SLC13A5: variants seen among roughly 807,000 people sequenced by gnomAD.
SLC13A5 encodes the protein Na(+)/citrate cotransporter.
Under a neutral mutation model 56.5 loss-of-function variants are expected in SLC13A5, and 25 were observed. That is an observed-to-expected ratio of 0.44 (90% CI 0.32 to 0.62). SLC13A5 has a LOEUF of 0.62. Ranked by LOEUF, SLC13A5 falls within the 20% of genes least tolerant of loss-of-function variation. SLC13A5 has a pLI of 0.04. For synonymous variants in SLC13A5, 307 were observed against 301.5 expected (o/e 1.02, Z -0.19); for missense variants, 649 against 737.8 (o/e 0.88, Z 1.39).
At chr17:6,706,072 G>T (rs559592478) in intron 3 of SLC13A5, among the ~76,000 whole-genome samples, 1 of 152,270 alleles carries the variant, frequency 6.6e-6, no homozygotes, top group East Asian at 1.9e-4. Context: ...GATCATGATT[G>T]ATTATGGTTA....
Position 6,690,901 on chromosome 17 carries a change from G to T in SLC13A5, c.1315C>A (p.Pro439Thr). 6.2e-7 allele frequency: 1 copy of T among 1,613,530 alleles called. No individual in the cohort carries two copies. Among genetic ancestry groups the T allele is most frequent in the Non-Finnish European group, 8.5e-7 (1 of 1,179,554 alleles). The change falls in exon 10 of 12, where the codon CCC becomes ACC. Residue 439 changes from proline to threonine, a missense_variant. Physicochemically the swap from Pro to Thr is conservative, Grantham distance 38. Coordinates refer to ENST00000433363, the MANE Select transcript of SLC13A5 (RefSeq NM_177550.5). ...GCTGCCGGGGGCACTGCGTGCAAGG[G>T]CTCCATCTGCTTCCCCATCCACACG... ...LSVWMGKQMEPLHAVPPAAIT... is the reference protein window; with the variant it reads ...LSVWMGKQMETLHAVPPAAIT...
In SLC13A5 at chr17:6,692,941, A is replaced by G. The variant is rs1973450072; in HGVS notation, c.1275+103T>C. On this transcript the variant is annotated intron_variant, in intron 9 of 11. Transcript: ENST00000433363. This position sits in a 1 kb window ranked among gnomAD's most constrained non-coding sequence, Gnocchi z 5.5. Reference sequence around the variant, plus strand: ...CAAGGAATGTGCGGTTATACGAAGGATGCAGGCACAGAAACACACAAGCCC... The same window carrying G: ...CAAGGAATGTGCGGTTATACGAAGGGTGCAGGCACAGAAACACACAAGCCC... 1 of 866,372 alleles carries G rather than the reference A, an allele frequency of 1.2e-6. No homozygotes were observed. The highest frequency in any genetic ancestry group is 2.4e-5 in the East Asian group (1 of 41,100). 53.7% of individuals were successfully genotyped at this position (866,372 alleles called of 1,614,324 possible). A position where few individuals can be genotyped will look rare whatever the true frequency, so the allele number is the denominator to read the frequency against.
At position 6,693,795 on chromosome 17, in the gene SLC13A5, G is replaced by C. The variant is rs1973482002; in HGVS notation, c.1156+302C>G. On this transcript the variant is annotated intron_variant, in intron 8 of 11. Transcript: ENST00000433363. ...ATATTAGCAAAGACTGGGAGGAAGA[G>C]AGAAAACAAAAAATTGTGCTGAATG... Among the ~76,000 whole-genome samples the C allele has an allele frequency of 2.0e-5, 3 of 152,164 alleles. No individual in the cohort carries two copies. The South Asian group carries it at 6.2e-4, about 32-fold the overall frequency.
chr17:6,710,110 C>T (rs541811543), intron 1 of SLC13A5, among the ~76,000 whole-genome samples: 2 of 152,328 alleles, frequency 1.3e-5, no homozygotes, highest in South Asian at 4.1e-4. Context: ...ATATGATTGG[C>T]GCCCACTGTC....
Position 6,696,316 on chromosome 17 carries a change from C to T in SLC13A5, c.840-375G>A, listed in dbSNP as rs147663387. On this transcript the variant is annotated intron_variant, in intron 6 of 11. Transcript: ENST00000433363. ...TTCCACCTCAGCCTGGAGCTGCCTT[C>T]GATGGTGTTGGGATGCCAACCCCCA... 1.3e-3 allele frequency among the ~76,000 whole-genome samples: 196 copies of T among 152,280 alleles called. 2 individuals carry two copies. Among genetic ancestry groups the T allele is most frequent in the African/African-American group, 4.6e-3 (190 of 41,544 alleles).
rs1441794104 is a variant in SLC13A5 at position 6,687,997 on chromosome 17, C to A, written c.1438-331G>T. On this transcript the variant is annotated intron_variant, in intron 10 of 11. Transcript: ENST00000433363. The surrounding 1 kb of genome is among the most constrained non-coding windows in gnomAD (Gnocchi z 5.0). ...GCGTGCACATGTCTGTCTGTCTTGC[C>A]ACAGACTGAGAGAGCCTAGAGGCCA... 5.3e-6 allele frequency: 1 copy of A among 187,378 alleles called. No individual in the cohort carries two copies. Among genetic ancestry groups the A allele is most frequent in the Non-Finnish European group, 1.1e-5 (1 of 91,656 alleles). The allele number at this position is 187,378 out of a possible 1,614,324, so 11.6% of individuals were successfully genotyped here. A position where few individuals can be genotyped will look rare whatever the true frequency, so the allele number is the denominator to read the frequency against.
intron 1 of SLC13A5, among the ~76,000 whole-genome samples, chr17:6,707,541 A>T (rs1481107305): frequency 6.6e-6 from 1 of 152,178 alleles, no homozygotes; most frequent in Non-Finnish European, 1.5e-5. Context: ...GAAGAAAGAG[A>T]GGAAGGGGGA....
chr17:6,686,320 T>C lies in SLC13A5; in HGVS notation c.1594A>G (p.Met532Val). Residue 532 changes from methionine to valine, a missense_variant, in exon 12 of 12, where the codon ATG becomes GTG. Transcript: ENST00000433363. ...VADMVKTGVI[M>V]NIIGVFCVFL... ...ACACAGAAGACTCCAATTATGTTCA[T>C]TATGACTCCTGTTTTCACCTGGAAA... The C allele has an allele frequency of 6.2e-7, 1 of 1,614,110 alleles. No individual in the cohort carries two copies. Among genetic ancestry groups the C allele is most frequent in the East Asian group, 2.2e-5 (1 of 44,872 alleles).
Position 6,708,725 on chromosome 17 carries a change from C to T in SLC13A5, c.103-1569G>A, listed in dbSNP as rs1033275908. 3.3e-5 allele frequency among the ~76,000 whole-genome samples: 5 copies of T among 152,344 alleles called. No individual in the cohort carries two copies. The East Asian group carries it at 9.6e-4, about 29-fold the overall frequency. On this transcript the variant is annotated intron_variant, in intron 1 of 11. Coordinates refer to ENST00000433363, the MANE Select transcript of SLC13A5 (RefSeq NM_177550.5). ...GGTCTTGGGTGACCAGATCCTGTCC[C>T]GGCAGCTCAGGGTACAAGGTGGAAA...
At chr17:6,709,472 G>A (rs1382661906) in intron 1 of SLC13A5, among the ~76,000 whole-genome samples, 1 of 152,042 alleles carries the variant, frequency 6.6e-6, no homozygotes, top group Non-Finnish European at 1.5e-5. Flanking sequence ...ATTTCACCAT[G>A]TTGGCCAGGA....
chr17:6,707,248 G>A lies in SLC13A5; in HGVS notation c.103-92C>T. ...GACGGCGGCTGGCATGGATTGTCAA[G>A]ACACAGTGCTGATCTCAGAGGGATT... is the stretch of plus-strand genomic sequence containing the variant. On this transcript the variant is annotated intron_variant, in intron 1 of 11. Transcript: ENST00000433363. 6 of 1,501,862 alleles carry A rather than the reference G, an allele frequency of 4.0e-6. No homozygotes were observed. The South Asian group carries it at 7.4e-5, about 18-fold the overall frequency. 93.0% of individuals were successfully genotyped at this position (1,501,862 alleles called of 1,614,324 possible). A position where few individuals can be genotyped will look rare whatever the true frequency, so the allele number is the denominator to read the frequency against.
chr17:6,692,483 T>TA lies in SLC13A5; in HGVS notation c.1275+560_1275+561insT, dbSNP rs1304468898. On this transcript the variant is annotated intron_variant, in intron 9 of 11. Transcript: ENST00000433363. The surrounding 1 kb of genome is among the most constrained non-coding windows in gnomAD (Gnocchi z 5.5). ...CTGGATACTTGGGTAGGTAGATGGTTGGTTGGAGGACAGCAGCAGCAAGCT... is the reference window on the plus strand; with the variant it reads ...CTGGATACTTGGGTAGGTAGATGGTTAGGTTGGAGGACAGCAGCAGCAAGCT... Among the ~76,000 whole-genome samples the TA allele has an allele frequency of 6.6e-6, 1 of 152,206 alleles. No homozygotes were observed. Among genetic ancestry groups the TA allele is most frequent in the African/African-American group, 2.4e-5 (1 of 41,448 alleles).
chr17:6,709,169 C>A (rs1325805491), intron 1 of SLC13A5, among the ~76,000 whole-genome samples: 1 of 151,942 alleles, frequency 6.6e-6, no homozygotes, highest in African/African-American at 2.4e-5. Context: ...TATTCAAGAA[C>A]CTGCTGTATT....
chr17:6,704,577 G>T, intron 3 of SLC13A5: 1 of 253,706 alleles, frequency 3.9e-6, no homozygotes, highest in East Asian at 9.1e-5. Flanking sequence ...AGGGAGCTTG[G>T]GAAAGTGTGA....
At chr17:6,697,227 C>T (rs1027461480) in intron 6 of SLC13A5, among the ~76,000 whole-genome samples, 5 of 152,266 alleles carry the variant, frequency 3.3e-5, no homozygotes, top group Admixed American at 3.3e-4. Flanking sequence ...TGCCAACTGT[C>T]GTCCTAGAGA....
At chr17:6,699,015 C>T (rs1973633139) in intron 6 of SLC13A5, among the ~76,000 whole-genome samples, 1 of 149,376 alleles carries the variant, frequency 6.7e-6, no homozygotes, top group Admixed American at 6.7e-5. Context: ...TGCACTCCAG[C>T]CTGGGTGACA....
Position 6,706,628 on chromosome 17 carries a change from GAA to G in SLC13A5, c.368+12_368+13del. On this transcript the variant is annotated intron_variant, in intron 3 of 11. Transcript: ENST00000433363. ...ATGCAGAGCCACGTGGCAAGAGAGA[GAA>G]GGCGTAATTACCGTGCAGGCTTGGC... The G allele has an allele frequency of 6.2e-7, 1 of 1,612,242 alleles. No individual in the cohort carries two copies. Among genetic ancestry groups the G allele is most frequent in the Non-Finnish European group, 8.5e-7 (1 of 1,179,244 alleles).
chr17:6,706,399 A>T lies in SLC13A5; in HGVS notation c.368+243T>A, dbSNP rs1448169855. ...CAGAAAGCCTTCCAAGCCTGCAAGG[A>T]CTCTTGCTGACCCACCTCCTCTGGA... On this transcript the variant is annotated intron_variant, in intron 3 of 11. Coordinates refer to ENST00000433363, the MANE Select transcript of SLC13A5 (RefSeq NM_177550.5). Among the ~76,000 whole-genome samples, 4 of 151,970 alleles carry T rather than the reference A, an allele frequency of 2.6e-5. No homozygotes were observed. In the East Asian group the frequency reaches 7.7e-4, roughly 29 times the overall value.
At chr17:6,712,265 G>A (rs1974060462) in intron 1 of SLC13A5, among the ~76,000 whole-genome samples, 1 of 152,214 alleles carries the variant, frequency 6.6e-6, no homozygotes, top group Non-Finnish European at 1.5e-5. Flanking sequence ...CCTGCCTGGG[G>A]AGGGGAGGTG....
Sources: allele counts gnomAD v4.1 joint callset (sites outside exome capture counted in the v4.1 genomes callset), GRCh38; gene constraint gnomAD v4.1.1; non-coding constraint Gnocchi (gnomAD v3.1); transcripts MANE v1.5; gene names NCBI Gene and HGNC (gene_info 2026-07-23, HGNC 2026-07-21).